Variants in CADPS observed in about 807,000 individuals in gnomAD.
CADPS encodes the protein calcium-dependent secretion activator 1.
CADPS carries 57 observed loss-of-function variants against 167.3 expected under a neutral mutation model. That is an observed-to-expected ratio of 0.34 (90% CI 0.28 to 0.42). The LOEUF (loss-of-function observed/expected upper bound fraction) is 0.42. CADPS is among the 20% of genes least tolerant of loss of function. The probability of loss-of-function intolerance (pLI) is 1.00; values close to 1 mark genes in which losing one functional copy is unlikely to be tolerated. For missense variants in CADPS, 1,414 were observed against 1,738.1 expected (o/e 0.81, Z 3.32); for synonymous variants, 676 against 635.3 (o/e 1.06, Z -0.96).
rs1257688155 is a variant in CADPS at position 62,602,091 on chromosome 3, AAAC to A, written c.1326-9346_1326-9344del. Among the ~76,000 whole-genome samples the A allele has an allele frequency of 1.3e-5, 2 of 152,180 alleles. No individual in the cohort carries two copies. The highest frequency in any genetic ancestry group is 2.4e-5 in the African/African-American group (1 of 41,422). ...TAGAATTTTTCCCCCCATGAACAAA[AAAC>A]AACATTTGCCACATAGGGAATATAC... On this transcript the variant is annotated intron_variant, in intron 6 of 29. Coordinates refer to ENST00000383710, the MANE Select transcript of CADPS (RefSeq NM_003716.4). The surrounding 1 kb of genome is among the most constrained non-coding windows in gnomAD (Gnocchi z 4.4).
At chr3:62,592,985 T>A (rs2086394048) in intron 6 of CADPS, among the ~76,000 whole-genome samples, 1 of 152,236 alleles carries the variant, frequency 6.6e-6, no homozygotes, top group Admixed American at 6.5e-5. Flanking sequence ...CTATAAGGAA[T>A]GACTTGAAAT....
intron 17 of CADPS, among the ~76,000 whole-genome samples, chr3:62,505,066 G>A (rs1369783021): frequency 6.6e-6 from 1 of 152,148 alleles, no homozygotes. Flanking sequence ...AATTTGCTAT[G>A]ATCTGGGGGT....
intron 3 of CADPS, among the ~76,000 whole-genome samples, chr3:62,712,605 A>G (rs2083612573): frequency 6.6e-6 from 1 of 152,220 alleles, no homozygotes; most frequent in Admixed American, 6.5e-5. Context: ...TCCAGCTTGC[A>G]TCCTTAATTT....
intron 1 of CADPS, among the ~76,000 whole-genome samples, chr3:62,846,763 G>C (rs1006188699): frequency 6.6e-6 from 1 of 151,950 alleles, no homozygotes; most frequent in Non-Finnish European, 1.5e-5. Context: ...TCCAGAGTTC[G>C]AGCAATTCTT....
chr3:62,835,702 G>GA (rs1309675046), intron 1 of CADPS, among the ~76,000 whole-genome samples: 1 of 152,088 alleles, frequency 6.6e-6, no homozygotes, highest in South Asian at 2.1e-4. Flanking sequence ...GTATTGCCAG[G>GA]AAAAAGTGTC....
intron 3 of CADPS, among the ~76,000 whole-genome samples, chr3:62,665,226 A>G (rs1048940677): frequency 1.1e-4 from 16 of 152,194 alleles, no homozygotes; most frequent in Admixed American, 2.6e-4. Context: ...AAAATTTGTA[A>G]TATGTCAACA....
At chr3:62,573,151 G>C (rs2081591524) in intron 8 of CADPS, among the ~76,000 whole-genome samples, 1 of 152,110 alleles carries the variant, frequency 6.6e-6, no homozygotes, top group South Asian at 2.1e-4. Flanking sequence ...CAAAGTGCTG[G>C]GCTTACAGGC....
intron 1 of CADPS, among the ~76,000 whole-genome samples, chr3:62,769,356 C>T (rs1472166360): frequency 6.6e-6 from 1 of 151,812 alleles, no homozygotes; most frequent in Non-Finnish European, 1.5e-5. Context: ...CTCAGCTTCC[C>T]AAGTAGCTGG....
chr3:62,524,114 C>G (rs1561638790), intron 13 of CADPS, among the ~76,000 whole-genome samples: 2 of 152,222 alleles, frequency 1.3e-5, no homozygotes, highest in Non-Finnish European at 2.9e-5. Flanking sequence ...GAAACTAACT[C>G]TTTATTACTT....
intron 1 of CADPS, among the ~76,000 whole-genome samples, chr3:62,802,779 T>G (rs1300825085): frequency 6.6e-6 from 1 of 152,158 alleles, no homozygotes; most frequent in African/African-American, 2.4e-5. Flanking sequence ...AGTTAGTTCA[T>G]TATGGTGTAC....
chr3:62,667,130 GGATAA>G (rs948981943), intron 3 of CADPS, among the ~76,000 whole-genome samples: 1 of 150,190 alleles, frequency 6.7e-6, no homozygotes, highest in African/African-American at 2.4e-5. Context: ...TGTAAAACTG[GGATAA>G]GATACCTACC....
intron 3 of CADPS, among the ~76,000 whole-genome samples, chr3:62,697,946 G>C (rs1380495099): frequency 6.6e-6 from 1 of 151,678 alleles, no homozygotes; most frequent in East Asian, 1.9e-4. Context: ...TTTTTGATGG[G>C]GTTGTTTCTT....
At chr3:62,635,003 T>A (rs1441368077) in intron 6 of CADPS, among the ~76,000 whole-genome samples, 1 of 152,194 alleles carries the variant, frequency 6.6e-6, no homozygotes, top group African/African-American at 2.4e-5. Flanking sequence ...ATTTGTGAGA[T>A]CTGCATTGGA....
At position 62,719,133 on chromosome 3, in the gene CADPS, C is replaced by G. The variant is rs540334435; in HGVS notation, c.888+34308G>C. Among the ~76,000 whole-genome samples, 431 of 152,300 alleles carry G rather than the reference C, an allele frequency of 2.8e-3. 3 individuals carry two copies. Among genetic ancestry groups the G allele is most frequent in the Middle Eastern group, 0.014 (4 of 294 alleles). ...CTTCAGATCAGTAGAGATAATGACT[C>G]AGATCCTGAAGAGACCTAAGCTGGG... is the stretch of plus-strand genomic sequence containing the variant. On this transcript the variant is annotated intron_variant, in intron 3 of 29. Coordinates refer to ENST00000383710, the MANE Select transcript of CADPS (RefSeq NM_003716.4).
intron 17 of CADPS, among the ~76,000 whole-genome samples, chr3:62,509,488 C>G (rs183705609): frequency 9.2e-5 from 14 of 152,112 alleles, no homozygotes; most frequent in Admixed American, 9.2e-4. Flanking sequence ...GTTTTGCCAG[C>G]TTGGTTCTCT....
rs962117000 is a variant in CADPS at position 62,751,407 on chromosome 3, T to C, written c.888+2034A>G. On this transcript the variant is annotated intron_variant, in intron 3 of 29. Transcript: ENST00000383710. ...TATGAATAGAGAGTAAAATACTAAA[T>C]GTCTTAAGTATCCCTGTCCCAAGAA... is the stretch of plus-strand genomic sequence containing the variant. Among the ~76,000 whole-genome samples, 4 of 152,028 alleles carry C rather than the reference T, an allele frequency of 2.6e-5. No homozygotes were observed. The South Asian group carries it at 6.2e-4, about 24-fold the overall frequency.
intron 27 of CADPS, 53 bp downstream of exon 27, chr3:62,445,712 G>C (rs375149408): frequency 1.5e-5 from 13 of 876,908 alleles, no homozygotes; most frequent in African/African-American, 2.3e-5. Context: ...AAGTAAAAAT[G>C]AAAAAAAAAA....
intron 1 of CADPS, among the ~76,000 whole-genome samples, chr3:62,792,106 A>G (rs1342599907): frequency 6.6e-6 from 1 of 152,198 alleles, no homozygotes; most frequent in Non-Finnish European, 1.5e-5. Flanking sequence ...CAATATCAGC[A>G]TGTAGGAAGA....
chr3:62,438,437 G>A lies in CADPS; in HGVS notation c.3670-226C>T, dbSNP rs943634396. On this transcript the variant is annotated intron_variant, in intron 27 of 29. Transcript: ENST00000383710. The surrounding 1 kb of genome is among the most constrained non-coding windows in gnomAD (Gnocchi z 4.7). ...CCTGGCTAAGAAGGGCATTGAGATTGTAGGATTTTATAAATAGTTTTTCTA... is the reference window on the plus strand; with the variant it reads ...CCTGGCTAAGAAGGGCATTGAGATTATAGGATTTTATAAATAGTTTTTCTA... The A allele has an allele frequency of 2.2e-6, 1 of 461,366 alleles. No homozygotes were observed. Among genetic ancestry groups the A allele is most frequent in the Non-Finnish European group, 3.9e-6 (1 of 258,038 alleles). 28.6% of individuals were successfully genotyped at this position (461,366 alleles called of 1,614,324 possible). A position where few individuals can be genotyped will look rare whatever the true frequency, so the allele number is the denominator to read the frequency against.
Sources: gnomAD v4.1 joint callset for allele counts (sites outside exome capture counted in the v4.1 genomes callset) on GRCh38, gnomAD v4.1.1 for gene constraint, Gnocchi (gnomAD v3.1) non-coding constraint, MANE v1.5 for transcripts, NCBI Gene and HGNC (gene_info 2026-07-23, HGNC 2026-07-21) for gene names.